The following FCAR variants were observed in gnomAD, a reference collection of about 807,000 sequenced individuals.
The protein encoded by FCAR is Fc alpha receptor.
FCAR carries 21 observed loss-of-function variants against 27.1 expected under a neutral mutation model. The ratio of observed to expected loss-of-function variants is 0.77; its 90% confidence interval spans 0.55 to 1.11. FCAR has a LOEUF of 1.11. Among genes scored for constraint, FCAR ranks in the 50% most tolerant of loss-of-function variants. The pLI is 0.00. For synonymous variants in FCAR, 134 were observed against 135.8 expected (o/e 0.99, Z 0.09); for missense variants, 404 against 358.4 (o/e 1.13, Z -1.03).
chr19:54,886,632 G>A (rs1200185414), intron 3 of FCAR, among the ~76,000 whole-genome samples: 1 of 151,452 alleles, frequency 6.6e-6, no homozygotes, highest in East Asian at 2.0e-4. Context: ...TTACAGGCAT[G>A]AGCCACCGCA....
At chr19:54,888,319 G>C (rs2066876347) in intron 4 of FCAR, 25 bp downstream of exon 4, 2 of 1,611,968 alleles carry the variant, frequency 1.2e-6, no homozygotes, top group Middle Eastern at 1.7e-4. Flanking sequence ...GTCCAGCCCT[G>C]TGTCTGGGTT....
chr19:54,876,398 CTTTTGCCAGTTT>C (rs2066091001), intron 2 of FCAR, among the ~76,000 whole-genome samples: 2 of 152,168 alleles, frequency 1.3e-5, no homozygotes, highest in Non-Finnish European at 2.9e-5. Flanking sequence ...GCATCCATGT[CTTTTGCCAGTTT>C]TCAAGGGGAA....
chr19:54,875,453 T>C, intron 2 of FCAR, 88 bp downstream of exon 2: 3 of 1,106,136 alleles, frequency 2.7e-6, no homozygotes, highest in South Asian at 1.3e-5. Context: ...TGAAGCACCA[T>C]TCTTATTTTA....
At chr19:54,878,668 A>G (rs2066235552) in intron 2 of FCAR, among the ~76,000 whole-genome samples, 1 of 150,316 alleles carries the variant, frequency 6.7e-6, no homozygotes, top group Non-Finnish European at 1.5e-5. Context: ...ACCCTTTACC[A>G]TGATTTAATG....
intron 2 of FCAR, among the ~76,000 whole-genome samples, chr19:54,883,240 C>T (rs2066521746): frequency 1.3e-5 from 2 of 149,926 alleles, no homozygotes; most frequent in African/African-American, 4.9e-5. Flanking sequence ...TGGTCTCAAA[C>T]TCCTGGGCTC....
chr19:54,881,512 G>T (rs928987325), intron 2 of FCAR, among the ~76,000 whole-genome samples: 5 of 152,092 alleles, frequency 3.3e-5, no homozygotes, highest in Non-Finnish European at 7.4e-5. Flanking sequence ...TGAAGAGCAG[G>T]GGGTTGAGGG....
chr19:54,879,637 T>C (rs1439566330), intron 2 of FCAR, among the ~76,000 whole-genome samples: 1 of 152,022 alleles, frequency 6.6e-6, no homozygotes, highest in Non-Finnish European at 1.5e-5. Context: ...GCATTCCCTT[T>C]GTAGGTGACC....
chr19:54,891,292 C>A lies in FCAR; in HGVS notation c.*1429C>A, dbSNP rs1234368332. 2 of 152,170 alleles carry A rather than the reference C, an allele frequency of 1.3e-5. No individual in the cohort carries two copies. The highest frequency in any genetic ancestry group is 4.8e-5 in the African/African-American group (2 of 41,430). 9.4% of individuals were successfully genotyped at this position (152,170 alleles called of 1,614,324 possible). ...ATAATTATAAAATGTAAGGGTCCTACTTCCAGTGAAACTGAAGGGACTTAG... is the reference window on the plus strand; with the variant it reads ...ATAATTATAAAATGTAAGGGTCCTAATTCCAGTGAAACTGAAGGGACTTAG... On this transcript the variant is annotated 3_prime_UTR_variant, in exon 5 of 5. Coordinates refer to ENST00000355524, the MANE Select transcript of FCAR (RefSeq NM_002000.4).
chr19:54,877,044 A>G (rs187637641), intron 2 of FCAR, among the ~76,000 whole-genome samples: 1 of 152,162 alleles, frequency 6.6e-6, no homozygotes, highest in African/African-American at 2.4e-5. Flanking sequence ...CAACAAGGAT[A>G]TTGTCCTGAA....
In FCAR at chr19:54,889,762, C is replaced by T. The variant is rs1403385724; in HGVS notation, c.763C>T (p.Leu255=). The change falls in exon 5 of 5, where the codon CTG becomes TTG. Residue 255 remains leucine (L), a synonymous_variant. Coordinates refer to ENST00000355524, the MANE Select transcript of FCAR (RefSeq NM_002000.4). The part of the protein sequence containing the change: ...LVENWHSHTA[L]NKEASADVAE... ...TGAAAATTGGCACAGCCATACGGCACTGAACAAGGAAGCCTCGGCAGATGT... is the reference window on the plus strand; with the variant it reads ...TGAAAATTGGCACAGCCATACGGCATTGAACAAGGAAGCCTCGGCAGATGT... The T allele has an allele frequency of 2.0e-5, 32 of 1,613,928 alleles. 1 individual carries two copies. The Admixed American group carries it at 4.7e-4, about 24-fold the overall frequency.
rs61735068 is a variant in FCAR, at chr19:54,885,265, A to G, written c.101A>G (p.Lys34Arg). ...GDFPMPFISA[K>R]SSPVIPLDGS... ...TTTCCCATGCCTTTCATATCTGCCA[A>G]ATCGAGTCCTGTGATTCCCTTGGAT... is the stretch of plus-strand genomic sequence containing the variant. The change falls in exon 3 of 5, where the codon AAA (lysine) becomes AGA (arginine). Residue 34 changes from lysine to arginine, a missense_variant. Physicochemically the swap from Lys to Arg is conservative, Grantham distance 26. Transcript: ENST00000355524. The G allele has an allele frequency of 2.5e-6, 4 of 1,613,778 alleles. No homozygotes were observed. Among genetic ancestry groups the G allele is most frequent in the Admixed American group, 1.7e-5 (1 of 59,988 alleles).
chr19:54,888,937 G>A (rs759098759), intron 4 of FCAR: 48 of 983,710 alleles, frequency 4.9e-5, no homozygotes, highest in Non-Finnish European at 5.3e-5. Context: ...GCGTGGTGGC[G>A]TGAGCCTGTC....
At chr19:54,887,643 A>G (rs7258306) in intron 3 of FCAR, among the ~76,000 whole-genome samples, 57,219 of 150,844 alleles carry the variant, frequency 0.38, 11,375 homozygotes, top group Admixed American at 0.5. Context: ...TAGGCTGGGC[A>G]CAGTTGCTCA....
In FCAR at chr19:54,889,771, G is replaced by A; in HGVS notation, c.772G>A (p.Glu258Lys). ...GCACAGCCATACGGCACTGAACAAG[G>A]AAGCCTCGGCAGATGTGGCTGAACC... ...NWHSHTALNKEASADVAEPSW... is the reference protein window; with the variant it reads ...NWHSHTALNKKASADVAEPSW... Residue 258 changes from glutamate (E) to lysine (K), a missense_variant, in exon 5 of 5, where the codon GAA becomes AAA. Glu to Lys is a moderately conservative substitution (Grantham distance 56). Transcript: ENST00000355524. 2 of 1,613,948 alleles carry A rather than the reference G, an allele frequency of 1.2e-6. No individual in the cohort carries two copies. Among genetic ancestry groups the A allele is most frequent in the Non-Finnish European group, 1.7e-6 (2 of 1,180,030 alleles).
intron 4 of FCAR, among the ~76,000 whole-genome samples, chr19:54,889,391 AAC>A (rs1247503918): frequency 0.027 from 3,314 of 124,208 alleles, 190 homozygotes; most frequent in African/African-American, 0.034. Flanking sequence ...AAAAAAAAAA[AAC>A]ACACACAACC....
rs115918043 is a variant in FCAR, at chr19:54,877,338, G to A, written c.70+1973G>A. Among the ~76,000 whole-genome samples the A allele has an allele frequency of 2.7e-3, 407 of 152,252 alleles. 2 individuals are homozygous for A. Among genetic ancestry groups the A allele is most frequent in the African/African-American group, 9.6e-3 (398 of 41,556 alleles). On this transcript the variant is annotated intron_variant, in intron 2 of 4. Transcript: ENST00000355524. ...TTGGTTTGATCTCAGGAGGGTGTAT[G>A]TGTCCAGGAATTTCTCCATTTATTC...
chr19:54,876,913 T>G lies in FCAR; in HGVS notation c.70+1548T>G, dbSNP rs760173021. On this transcript the variant is annotated intron_variant, in intron 2 of 4. Coordinates refer to ENST00000355524, the MANE Select transcript of FCAR (RefSeq NM_002000.4). ...TCCAGCCTGGGCAACAGAGCGAGAC[T>G]CCTATATCGAATCAACCTTGCATCC... Among the ~76,000 whole-genome samples the G allele has an allele frequency of 1.4e-4, 21 of 152,178 alleles. 1 individual carries two copies. Among genetic ancestry groups the G allele is most frequent in the Non-Finnish European group, 2.8e-4 (19 of 68,028 alleles).
chr19:54,876,472 C>T (rs940479392), intron 2 of FCAR, among the ~76,000 whole-genome samples: 2 of 152,162 alleles, frequency 1.3e-5, no homozygotes, highest in South Asian at 2.1e-4. Context: ...GTTTGTCATA[C>T]ATCATTCTTA....
In FCAR at chr19:54,888,022, C is replaced by T. The variant is rs776564450; in HGVS notation, c.377C>T (p.Pro126Leu). ...TCTCTCTTAGGCTTGTATGGCAAAC[C>T]CTTCCTCTCTGCAGATCGGGGTCTG... is the stretch of plus-strand genomic sequence containing the variant. ...ELVVTGLYGKPFLSADRGLVL... is the reference protein window; with the variant it reads ...ELVVTGLYGKLFLSADRGLVL... The change falls in exon 4 of 5, where the codon CCC becomes CTC. Residue 126 changes from proline to leucine, a missense_variant. Coordinates refer to ENST00000355524, the MANE Select transcript of FCAR (RefSeq NM_002000.4). 6.2e-7 allele frequency: 1 copy of T among 1,613,134 alleles called. No homozygotes were observed. Among genetic ancestry groups the T allele is most frequent in the South Asian group, 1.1e-5 (1 of 91,034 alleles).
Sources: allele counts gnomAD v4.1 joint callset (sites outside exome capture counted in the v4.1 genomes callset), GRCh38; gene constraint gnomAD v4.1.1; transcripts MANE v1.5; gene names NCBI Gene and HGNC (gene_info 2026-07-23, HGNC 2026-07-21).